The following FHIT variants were observed in gnomAD, a reference collection of about 807,000 sequenced individuals.
The protein encoded by FHIT is fragile histidine triad diadenosine triphosphatase.
Under a neutral mutation model 17.9 loss-of-function variants are expected in FHIT, and 19 were observed. The observed-to-expected ratio is 1.06, with a 90% CI of 0.74 to 1.56. The LOEUF (loss-of-function observed/expected upper bound fraction) is 1.56. Ranked by LOEUF, FHIT falls within the 40% of genes most tolerant of loss-of-function variation. The pLI, the probability that FHIT is intolerant of heterozygous loss-of-function variation, is 0.00. For missense variants in FHIT, 248 were observed against 189.2 expected (o/e 1.31, Z -1.82); for synonymous variants, 81 against 69.7 (o/e 1.16, Z -0.81).
chr3:60,529,792 A>G (rs2035705532), intron 5 of FHIT, among the ~76,000 whole-genome samples: 3 of 152,216 alleles, frequency 2.0e-5, no homozygotes, highest in African/African-American at 7.2e-5. Context: ...TGATAGCAAC[A>G]TAAGAAATAT....
chr3:59,759,302 C>G (rs1419189911), intron 8 of FHIT, among the ~76,000 whole-genome samples: 1 of 133,162 alleles, frequency 7.5e-6, no homozygotes, highest in African/African-American at 3.1e-5. Context: ...AGTAAAAGGA[C>G]TAGAATAATT....
chr3:60,782,661 T>C (rs1222852712), intron 4 of FHIT, among the ~76,000 whole-genome samples: 1 of 152,164 alleles, frequency 6.6e-6, no homozygotes, highest in Non-Finnish European at 1.5e-5. Context: ...TCTTATTCCA[T>C]TCATGCTGCT....
chr3:60,060,832 T>C (rs961106384), intron 5 of FHIT, among the ~76,000 whole-genome samples: 34 of 152,350 alleles, frequency 2.2e-4, no homozygotes, highest in Middle Eastern at 3.4e-3. Context: ...TGATTTCTCT[T>C]ATTAATTACT....
chr3:60,899,164 G>A (rs931915312), intron 3 of FHIT, among the ~76,000 whole-genome samples: 5 of 152,240 alleles, frequency 3.3e-5, no homozygotes, highest in South Asian at 4.1e-4. Context: ...AAAACAGTAC[G>A]TGATCAGAAA....
At position 60,782,011 on chromosome 3, in the gene FHIT, C is replaced by T. The variant is rs542297590; in HGVS notation, c.-18+39908G>A. Among the ~76,000 whole-genome samples, 29 of 152,224 alleles carry T rather than the reference C, an allele frequency of 1.9e-4. No individual in the cohort carries two copies. In the East Asian group the frequency reaches 5.6e-3, roughly 29 times the overall value. ...ATTGTACCCTTTGACCAATATCTCC[C>T]CATTTCCCCTACTCCCAGCCTCTGG... On this transcript the variant is annotated intron_variant, in intron 4 of 9. Coordinates refer to ENST00000492590, the MANE Select transcript of FHIT (RefSeq NM_002012.4).
At chr3:61,192,611 T>G (rs563635000) in intron 2 of FHIT, among the ~76,000 whole-genome samples, 45 of 152,348 alleles carry the variant, frequency 3.0e-4, no homozygotes, top group African/African-American at 9.4e-4. Flanking sequence ...TTTGATTATT[T>G]GCAGCCAAAG....
intron 5 of FHIT, among the ~76,000 whole-genome samples, chr3:60,466,219 TG>T (rs1242188784): frequency 6.6e-6 from 1 of 152,118 alleles, no homozygotes; most frequent in Non-Finnish European, 1.5e-5. Flanking sequence ...TACTGATTTT[TG>T]TATGTTGATT....
rs569781644 is a variant in FHIT, at chr3:60,553,395, T to C, written c.-17-16416A>G. On this transcript the variant is annotated intron_variant, in intron 4 of 9. Transcript: ENST00000492590. ...ATCAGCAACCCCCTTCTTCCACTGA[T>C]TGATCCGACGGAGACCTTTTATGCA... The C allele has an allele frequency of 1.1e-5, 11 of 979,126 alleles. No individual in the cohort carries two copies. The South Asian group carries it at 4.3e-4, about 38-fold the overall frequency. 60.7% of individuals were successfully genotyped at this position (979,126 alleles called of 1,614,324 possible).
chr3:60,791,534 T>C (rs1190976512), intron 4 of FHIT, among the ~76,000 whole-genome samples: 3 of 152,198 alleles, frequency 2.0e-5, no homozygotes, highest in Non-Finnish European at 4.4e-5. Flanking sequence ...GAACCAGTAC[T>C]CTGTTAGAAC....
At chr3:59,918,591 T>G (rs1015165161) in intron 8 of FHIT, among the ~76,000 whole-genome samples, 4 of 152,186 alleles carry the variant, frequency 2.6e-5, no homozygotes, top group African/African-American at 7.2e-5. Flanking sequence ...TTAAACAGCA[T>G]GCCCAGTATA....
At chr3:60,122,400 A>C (rs1278937714) in intron 5 of FHIT, among the ~76,000 whole-genome samples, 1 of 152,128 alleles carries the variant, frequency 6.6e-6, no homozygotes, top group Non-Finnish European at 1.5e-5. Flanking sequence ...TAAAACTAGG[A>C]ATCAGAAAGA....
chr3:59,871,148 C>T (rs1032134243), intron 8 of FHIT, among the ~76,000 whole-genome samples: 11 of 152,066 alleles, frequency 7.2e-5, no homozygotes, highest in African/African-American at 2.7e-4. Flanking sequence ...TTTTGAATGG[C>T]CTACTCCATA....
chr3:60,159,279 C>T (rs574127973), intron 5 of FHIT, among the ~76,000 whole-genome samples: 6 of 152,186 alleles, frequency 3.9e-5, no homozygotes, highest in Middle Eastern at 3.4e-3. Context: ...TGCCACCACA[C>T]CCAGCTAATT....
chr3:60,015,547 G>A (rs986340297), intron 5 of FHIT, among the ~76,000 whole-genome samples: 3 of 152,142 alleles, frequency 2.0e-5, no homozygotes, highest in African/African-American at 7.2e-5. Flanking sequence ...CAGATTGCCA[G>A]CCTCCACTCC....
intron 4 of FHIT, among the ~76,000 whole-genome samples, chr3:60,597,812 C>G (rs938481398): frequency 6.6e-5 from 10 of 152,076 alleles, no homozygotes; most frequent in African/African-American, 2.2e-4. Context: ...TCAAAATGAC[C>G]AAGCTATGCA....
intron 3 of FHIT, among the ~76,000 whole-genome samples, chr3:60,971,598 T>C (rs960536966): frequency 2.0e-5 from 3 of 152,116 alleles, no homozygotes; most frequent in Admixed American, 1.3e-4. Context: ...CACGCTCTGA[T>C]GTTTTTTCCC....
intron 5 of FHIT, among the ~76,000 whole-genome samples, chr3:60,315,511 G>C (rs1045924950): frequency 6.6e-6 from 1 of 152,094 alleles, no homozygotes; most frequent in African/African-American, 2.4e-5. Flanking sequence ...GACAAGTTTT[G>C]TCAGTTCTTG....
intron 3 of FHIT, among the ~76,000 whole-genome samples, chr3:60,847,603 T>G (rs2106895362): frequency 6.6e-6 from 1 of 152,258 alleles, no homozygotes; most frequent in East Asian, 1.9e-4. Flanking sequence ...CATTCATTCT[T>G]ATCTTGGAAA....
chr3:60,673,975 T>C (rs2040566286), intron 4 of FHIT, among the ~76,000 whole-genome samples: 1 of 152,132 alleles, frequency 6.6e-6, no homozygotes, highest in Non-Finnish European at 1.5e-5. Flanking sequence ...TTGTTCATTT[T>C]TTTAAACTAT....
Sources: gnomAD v4.1 joint callset for allele counts (sites outside exome capture counted in the v4.1 genomes callset) on GRCh38, gnomAD v4.1.1 for gene constraint, MANE v1.5 for transcripts, NCBI Gene and HGNC (gene_info 2026-07-23, HGNC 2026-07-21) for gene names.